Variants in PRELID2 observed in about 807,000 individuals in gnomAD.
PRELID2 encodes the protein PRELI domain-containing protein 2.
Under a neutral mutation model 28.4 loss-of-function variants are expected in PRELID2, and 25 were observed. That is an observed-to-expected ratio of 0.88 (90% confidence interval 0.64 to 1.23). The LOEUF is 1.23. PRELID2 is among the 50% of genes most tolerant of loss of function. The probability of loss-of-function intolerance (pLI) is 0.00; values close to 1 mark genes in which losing one functional copy is unlikely to be tolerated. For missense variants in PRELID2, 201 were observed against 214.4 expected, an observed-to-expected ratio of 0.94 and a Z score of 0.39; for synonymous variants, 76 against 71.6, an observed-to-expected ratio of 1.06 and a Z score of -0.31.
chr5:145,705,803 T>C (rs907326685), intron 1 of PRELID2, among the ~76,000 whole-genome samples: 7 of 152,310 alleles, frequency 4.6e-5, no homozygotes, highest in African/African-American at 1.7e-4. Flanking sequence ...AACATTGAAA[T>C]GTGAATTTCA....
the PRELID2 span, among the ~76,000 whole-genome samples, chr5:145,455,029 G>A: frequency 1.3e-5 from 2 of 152,098 alleles, no homozygotes; most frequent in African/African-American, 4.8e-5. Context: ...ATCGGTCTTG[G>A]TGTTTTAGTC....
downstream of PRELID2, among the ~76,000 whole-genome samples, chr5:145,755,821 T>C (rs1757242211): frequency 6.6e-6 from 1 of 152,172 alleles, no homozygotes; most frequent in Non-Finnish European, 1.5e-5. Flanking sequence ...AACTTAGGGC[T>C]CTACCCCTAA....
At chr5:145,577,445 A>G (rs1199014695) in intron 1 of PRELID2, among the ~76,000 whole-genome samples, 1 of 152,148 alleles carries the variant, frequency 6.6e-6, no homozygotes, top group Non-Finnish European at 1.5e-5. Flanking sequence ...CAGAGCTGAA[A>G]AATACAATGA....
chr5:145,246,708 C>T, the PRELID2 span, among the ~76,000 whole-genome samples: 3 of 152,086 alleles, frequency 2.0e-5, no homozygotes, highest in Non-Finnish European at 2.9e-5. Flanking sequence ...CTCTACGAGA[C>T]GGAAACTGCC....
chr5:145,780,034 C>T (rs180774780), intron 5 of PRELID2, among the ~76,000 whole-genome samples: 32 of 152,288 alleles, frequency 2.1e-4, no homozygotes, highest in African/African-American at 7.2e-4. Context: ...CAACAGGGGC[C>T]GGGCATGGTG....
At chr5:145,690,130 C>T (rs1362092036) in intron 1 of PRELID2, among the ~76,000 whole-genome samples, 2 of 151,740 alleles carry the variant, frequency 1.3e-5, no homozygotes, top group Non-Finnish European at 2.9e-5. Flanking sequence ...GCTGAGATTA[C>T]AGGTGCACAC....
chr5:145,817,749 T>C (rs1754471259), intron 4 of PRELID2, 145 bp downstream of exon 4: 2 of 661,736 alleles, frequency 3.0e-6, no homozygotes, highest in Non-Finnish European at 4.3e-6. Flanking sequence ...AATTCATTAA[T>C]TACTGTGATT....
chr5:145,579,213 A>G (rs1753087318), intron 1 of PRELID2, among the ~76,000 whole-genome samples: 2 of 152,106 alleles, frequency 1.3e-5, no homozygotes, highest in African/African-American at 4.8e-5. Context: ...AAATGTATAT[A>G]ACATGATTAT....
chr5:145,629,116 G>A (rs891083275), intron 1 of PRELID2, among the ~76,000 whole-genome samples: 6 of 152,154 alleles, frequency 3.9e-5, no homozygotes, highest in Non-Finnish European at 7.3e-5. Context: ...TTAGCTGCAC[G>A]TGGCTGTTCA....
chr5:145,823,049 T>C lies in PRELID2; in HGVS notation c.133+28A>G, dbSNP rs1182064533. The C allele has an allele frequency of 5.9e-6, 7 of 1,191,254 alleles. 1 individual carries two copies. The highest frequency in any genetic ancestry group is 8.8e-6 in the Non-Finnish European group (7 of 795,890). 73.8% of individuals were successfully genotyped at this position (1,191,254 alleles called of 1,614,324 possible). On this transcript the variant is annotated intron_variant, in intron 2 of 6. Coordinates refer to ENST00000683046, the MANE Select transcript of PRELID2 (RefSeq NM_205846.3). ...AAAATCACTATCATTTAATGATCAT[T>C]ACTGAAAAAACTGTACAGAGAACTT...
At chr5:145,263,129 A>G in the PRELID2 span, among the ~76,000 whole-genome samples, 2 of 152,200 alleles carry the variant, frequency 1.3e-5, no homozygotes, top group East Asian at 3.8e-4. Context: ...ACCCAACAGG[A>G]AAATATTACA....
intron 1 of PRELID2, among the ~76,000 whole-genome samples, chr5:145,551,437 T>TAAATAAAC (rs1009723196): frequency 7.7e-5 from 11 of 142,298 alleles, no homozygotes; most frequent in African/African-American, 2.3e-4. Context: ...AATAAATAAA[T>TAAATAAAC]AAACCTGCTT....
chr5:145,318,580 A>G, the PRELID2 span, among the ~76,000 whole-genome samples: 1 of 152,338 alleles, frequency 6.6e-6, no homozygotes, highest in East Asian at 1.9e-4. Flanking sequence ...GATGTGCAAC[A>G]GGGGTGTGGC....
intron 4 of PRELID2, 59 bp downstream of exon 4, chr5:145,817,835 T>C (rs1581264867): frequency 7.4e-7 from 1 of 1,359,746 alleles, no homozygotes; most frequent in Non-Finnish European, 9.8e-7. Flanking sequence ...TTTTAATGTA[T>C]GTACTCATGT....
chr5:145,759,170 T>C lies in PRELID2; in HGVS notation c.*1366A>G, dbSNP rs1467858696. On this transcript the variant is annotated 3_prime_UTR_variant, in exon 7 of 7. Transcript: ENST00000683046. ...CATGCGCCACCACGCCCAGCTAATT[T>C]TTTTGTATTTTTAGTAGAGACGGGG... is the stretch of plus-strand genomic sequence containing the variant. 6.6e-6 allele frequency: 1 copy of C among 151,892 alleles called. No homozygotes were observed. The highest frequency in any genetic ancestry group is 1.5e-5 in the Non-Finnish European group (1 of 67,994). 9.4% of individuals were successfully genotyped at this position (151,892 alleles called of 1,614,324 possible).
chr5:145,733,102 A>G (rs1338705564), intron 1 of PRELID2, among the ~76,000 whole-genome samples: 2 of 151,560 alleles, frequency 1.3e-5, no homozygotes, highest in African/African-American at 4.8e-5. Context: ...AAAAAGAAAG[A>G]AAAACAGCTG....
chr5:145,565,789 G>T (rs566344645), intron 1 of PRELID2, among the ~76,000 whole-genome samples: 1 of 152,296 alleles, frequency 6.6e-6, no homozygotes, highest in East Asian at 1.9e-4. Flanking sequence ...GTGGCGAGAT[G>T]GACAGCCATT....
chr5:145,452,704 A>C, the PRELID2 span, among the ~76,000 whole-genome samples: 1 of 152,082 alleles, frequency 6.6e-6, no homozygotes, highest in Non-Finnish European at 1.5e-5. Flanking sequence ...TTCTTAGCCC[A>C]TGGTATAGAT....
intron 1 of PRELID2, among the ~76,000 whole-genome samples, chr5:145,714,772 A>T (rs571131360): frequency 1.1e-3 from 169 of 152,186 alleles, no homozygotes; most frequent in Middle Eastern, 3.4e-3. Flanking sequence ...AGCACTTAAC[A>T]GTTAACTCGC....
Sources: gnomAD v4.1 joint callset for allele counts (sites outside exome capture counted in the v4.1 genomes callset) on GRCh38, gnomAD v4.1.1 for gene constraint, MANE v1.5 for transcripts, NCBI Gene and HGNC (gene_info 2026-07-23, HGNC 2026-07-21) for gene names.